AMPH: variants seen among roughly 807,000 people sequenced by gnomAD.
The protein encoded by AMPH is amphiphysin.
In AMPH, 49 loss-of-function variants were observed where a neutral mutation model predicts 99.1. The ratio of observed to expected loss-of-function variants is 0.49; its 90% CI spans 0.39 to 0.63. The LOEUF is 0.63. AMPH is among the 20% of genes least tolerant of loss of function. The pLI, the probability that AMPH is intolerant of heterozygous loss-of-function variation, is 0.00. For synonymous variants in AMPH, 314 were observed against 317.3 expected, an observed-to-expected ratio of 0.99 and a Z score of 0.11; for missense variants, 759 against 863.4, an observed-to-expected ratio of 0.88 and a Z score of 1.52.
chr7:38,571,436 T>TAGA (rs1792023922), intron 1 of AMPH, among the ~76,000 whole-genome samples: 1 of 6,386 alleles, frequency 1.6e-4, no homozygotes, highest in East Asian at 9.1e-4. Flanking sequence ...AGAATATTTA[T>TAGA]ATAGAATATA....
At chr7:38,396,844 A>T (rs370282212) in intron 17 of AMPH, among the ~76,000 whole-genome samples, 2 of 152,376 alleles carry the variant, frequency 1.3e-5, no homozygotes, top group Admixed American at 6.5e-5. Context: ...TGTCGGAGAC[A>T]TTAACAGGAT....
chr7:38,505,518 T>G (rs988892400), intron 2 of AMPH, among the ~76,000 whole-genome samples: 6 of 152,150 alleles, frequency 3.9e-5, no homozygotes, highest in African/African-American at 9.7e-5. Context: ...CAACATGGTT[T>G]TAAATCAAAA....
intron 7 of AMPH, among the ~76,000 whole-genome samples, chr7:38,470,907 C>G (rs1362005811): frequency 1.3e-5 from 2 of 152,130 alleles, no homozygotes; most frequent in East Asian, 3.9e-4. Flanking sequence ...TCATGTCACT[C>G]TCTACTAAAT....
At chr7:38,564,693 G>A (rs921098187) in intron 1 of AMPH, among the ~76,000 whole-genome samples, 4 of 152,200 alleles carry the variant, frequency 2.6e-5, no homozygotes, top group Admixed American at 1.3e-4. Context: ...GAAATAAAGT[G>A]TCTCCTTCCC....
At chr7:38,528,632 T>G (rs1399648845) in intron 2 of AMPH, among the ~76,000 whole-genome samples, 1 of 152,166 alleles carries the variant, frequency 6.6e-6, no homozygotes, top group African/African-American at 2.4e-5. Flanking sequence ...TTGTCAGTCC[T>G]GCTAGAGGTT....
chr7:38,524,507 G>T (rs1324405501), intron 2 of AMPH, among the ~76,000 whole-genome samples: 2 of 152,134 alleles, frequency 1.3e-5, no homozygotes, highest in Admixed American at 6.5e-5. Context: ...TGGTAATACG[G>T]GATCAAAGGT....
intron 14 of AMPH, chr7:38,428,257 T>A (rs1290410132): frequency 6.6e-6 from 3 of 456,628 alleles, no homozygotes; most frequent in Non-Finnish European, 1.3e-5. Context: ...GGCTGCCAGA[T>A]TTGACCTGGA....
At chr7:38,462,829 G>A in intron 10 of AMPH, 146 bp downstream of exon 10, 1 of 866,294 alleles carries the variant, frequency 1.2e-6, no homozygotes. Context: ...ATACCTTCAT[G>A]ACAATCACAA....
chr7:38,561,702 G>A (rs1295289776), intron 1 of AMPH, among the ~76,000 whole-genome samples: 3 of 152,168 alleles, frequency 2.0e-5, no homozygotes, highest in Non-Finnish European at 4.4e-5. Context: ...CAATGCCATG[G>A]TACTTGGAGA....
intron 5 of AMPH, among the ~76,000 whole-genome samples, chr7:38,483,257 T>C (rs1164569221): frequency 6.6e-6 from 1 of 152,022 alleles, no homozygotes; most frequent in Non-Finnish European, 1.5e-5. Context: ...GGTTTGAACA[T>C]GAATGCAGGC....
chr7:38,571,665 A>G (rs1792045162), intron 1 of AMPH, among the ~76,000 whole-genome samples: 1 of 141,136 alleles, frequency 7.1e-6, no homozygotes, highest in South Asian at 2.2e-4. Flanking sequence ...AGCTGTTATT[A>G]CAAAAAACCT....
chr7:38,630,473 G>A (rs1794416039), intron 1 of AMPH, among the ~76,000 whole-genome samples: 1 of 152,150 alleles, frequency 6.6e-6, no homozygotes, highest in South Asian at 2.1e-4. Context: ...GCAATTTACT[G>A]AGGGACTTGC....
At chr7:38,507,817 G>A (rs1789386160) in intron 2 of AMPH, among the ~76,000 whole-genome samples, 1 of 152,138 alleles carries the variant, frequency 6.6e-6, no homozygotes, top group Non-Finnish European at 1.5e-5. Flanking sequence ...CAGGGATCAT[G>A]GCAACAGGAG....
At chr7:38,621,804 A>T (rs1794076926) in intron 1 of AMPH, among the ~76,000 whole-genome samples, 1 of 152,188 alleles carries the variant, frequency 6.6e-6, no homozygotes, top group South Asian at 2.1e-4. Flanking sequence ...TCACATAGCA[A>T]ATATTTCAAA....
intron 1 of AMPH, among the ~76,000 whole-genome samples, chr7:38,570,957 A>AT (rs1562834226): frequency 1.4e-5 from 1 of 71,878 alleles, no homozygotes; most frequent in Non-Finnish European, 2.9e-5. Context: ...ATATATATAG[A>AT]ATATATATAT....
intron 1 of AMPH, among the ~76,000 whole-genome samples, chr7:38,550,913 T>C (rs1791158365): frequency 6.6e-6 from 1 of 152,222 alleles, no homozygotes; most frequent in Non-Finnish European, 1.5e-5. Context: ...TTCACATTTT[T>C]GTCGTAAAAA....
intron 1 of AMPH, among the ~76,000 whole-genome samples, chr7:38,600,658 A>G (rs1793214380): frequency 1.3e-5 from 2 of 152,222 alleles, no homozygotes; most frequent in African/African-American, 4.8e-5. Context: ...TCAACCTAAC[A>G]TATTAAATGA....
chr7:38,411,765 T>C (rs1312672941), intron 17 of AMPH, among the ~76,000 whole-genome samples: 1 of 152,168 alleles, frequency 6.6e-6, no homozygotes, highest in African/African-American at 2.4e-5. Flanking sequence ...AGTTGTCTTT[T>C]TAACATCTGA....
intron 5 of AMPH, among the ~76,000 whole-genome samples, chr7:38,478,286 C>A (rs1035635918): frequency 6.6e-6 from 1 of 152,126 alleles, no homozygotes; most frequent in African/African-American, 2.4e-5. Flanking sequence ...CACCTAAGGG[C>A]CCCCAAGTCA....
Sources: allele counts gnomAD v4.1 joint callset (sites outside exome capture counted in the v4.1 genomes callset), GRCh38; gene constraint gnomAD v4.1.1; transcripts MANE v1.5; gene names NCBI Gene and HGNC (gene_info 2026-07-23, HGNC 2026-07-21).